The following UST variants were observed in gnomAD, a reference collection of about 807,000 sequenced individuals.
UST encodes the protein uronyl 2-sulfotransferase, also known as chondroitin sulfate 2-O-sulfotransferase.
In UST, 21 loss-of-function variants were observed where a neutral mutation model predicts 45.6. The ratio of observed to expected loss-of-function variants is 0.46; its 90% CI spans 0.33 to 0.66. The LOEUF (loss-of-function observed/expected upper bound fraction) is 0.66. Ranked by LOEUF, UST falls within the 30% of genes least tolerant of loss-of-function variation. UST has a pLI of 0.02. For synonymous variants in UST, 215 were observed against 200.6 expected (o/e 1.07, Z -0.61); for missense variants, 463 against 512.4 (o/e 0.90, Z 0.93).
chr6:148,984,397 A>G (rs1781199587), intron 5 of UST, among the ~76,000 whole-genome samples: 1 of 152,244 alleles, frequency 6.6e-6, no homozygotes, highest in Non-Finnish European at 1.5e-5. Context: ...GTGTGATATG[A>G]AAGCTGGAGA....
chr6:148,891,202 G>T (rs1004612273), intron 2 of UST, among the ~76,000 whole-genome samples: 41 of 152,282 alleles, frequency 2.7e-4, no homozygotes, highest in African/African-American at 9.4e-4. Context: ...AGCATCATGT[G>T]CAGTGTCCAC....
intron 5 of UST, chr6:149,005,708 CTTAT>C (rs1183425661): frequency 7.9e-6 from 6 of 763,922 alleles, no homozygotes; most frequent in Non-Finnish European, 9.6e-6. Flanking sequence ...AGCTTGATAA[CTTAT>C]TTATTTATTC....
chr6:148,927,993 G>A (rs1016950931), intron 2 of UST, among the ~76,000 whole-genome samples: 12 of 152,344 alleles, frequency 7.9e-5, no homozygotes, highest in Non-Finnish European at 2.9e-5. Context: ...CAAGGGTACA[G>A]TCCCCAGTGA....
intron 1 of UST, among the ~76,000 whole-genome samples, chr6:148,862,210 G>A (rs1483850514): frequency 6.6e-6 from 1 of 152,196 alleles, no homozygotes; most frequent in Non-Finnish European, 1.5e-5. Flanking sequence ...ATTTAGGATA[G>A]TTAGCTCTTC....
intron 7 of UST, among the ~76,000 whole-genome samples, chr6:149,069,631 T>C (rs543500340): frequency 6.6e-6 from 1 of 152,320 alleles, no homozygotes; most frequent in Admixed American, 6.5e-5. Context: ...ATCCTAACCA[T>C]AGAGGAAGGC....
At chr6:148,948,390 A>C (rs1780291320) in intron 3 of UST, among the ~76,000 whole-genome samples, 1 of 152,254 alleles carries the variant, frequency 6.6e-6, no homozygotes, top group Non-Finnish European at 1.5e-5. Context: ...AATATTTGCC[A>C]AGAAGTCAGG....
intron 3 of UST, among the ~76,000 whole-genome samples, chr6:148,953,254 TTAAAG>T (rs775589419): frequency 6.6e-6 from 1 of 152,210 alleles, no homozygotes; most frequent in Non-Finnish European, 1.5e-5. Flanking sequence ...TGATTTGACT[TTAAAG>T]GAAGGGATAG....
chr6:148,832,648 A>G (rs1455889994), intron 1 of UST, among the ~76,000 whole-genome samples: 3 of 152,218 alleles, frequency 2.0e-5, no homozygotes, highest in African/African-American at 7.2e-5. Flanking sequence ...GAGCATTTTC[A>G]TCAGAAGTCC....
Position 148,868,011 on chromosome 6 carries a change from G to A in UST, c.248-18975G>A, listed in dbSNP as rs190647934. On this transcript the variant is annotated intron_variant, in intron 1 of 7. Coordinates refer to ENST00000367463, the MANE Select transcript of UST (RefSeq NM_005715.3). Reference sequence around the variant, plus strand: ...CTTCTTAATGTCTCAGTCAGAGGCTGTTCATCACTGATGAGCCTGCCACTG... The same window carrying A: ...CTTCTTAATGTCTCAGTCAGAGGCTATTCATCACTGATGAGCCTGCCACTG... 3.2e-4 allele frequency among the ~76,000 whole-genome samples: 49 copies of A among 152,204 alleles called. 1 individual carries two copies. Among genetic ancestry groups the A allele is most frequent in the African/African-American group, 1.0e-3 (42 of 41,542 alleles).
chr6:148,922,652 T>C (rs1484095147), intron 2 of UST, among the ~76,000 whole-genome samples: 1 of 151,042 alleles, frequency 6.6e-6, no homozygotes, highest in Non-Finnish European at 1.5e-5. Context: ...TTTTTGTATT[T>C]TCTATAGAGA....
chr6:148,895,477 C>T (rs4897068), intron 2 of UST, among the ~76,000 whole-genome samples: 82,924 of 151,826 alleles, frequency 0.55, 24,288 homozygotes, highest in African/African-American at 0.78. Flanking sequence ...CCTATTTCTA[C>T]AGGAAACTTC....
At chr6:148,971,618 A>G (rs1780921152) in intron 5 of UST, among the ~76,000 whole-genome samples, 1 of 152,192 alleles carries the variant, frequency 6.6e-6, no homozygotes, top group Non-Finnish European at 1.5e-5. Context: ...CATAGGGCAC[A>G]TACAAAGCCC....
chr6:148,747,448 G>C lies in UST; in HGVS notation c.18G>C (p.Gln6His), dbSNP rs993184259. The C allele has an allele frequency of 4.2e-6, 6 of 1,424,024 alleles. No individual in the cohort carries two copies. Among genetic ancestry groups the C allele is most frequent in the Non-Finnish European group, 4.6e-6 (5 of 1,086,794 alleles). The allele number at this position is 1,424,024 out of a possible 1,614,324, so 88.2% of individuals were successfully genotyped here. A position where few individuals can be genotyped will look rare whatever the true frequency, so the allele number is the denominator to read the frequency against. The change falls in exon 1 of 8, where the codon CAG (glutamine) becomes CAC (histidine). Residue 6 changes from glutamine to histidine, a missense_variant. By Grantham distance (24) the Gln-to-His change is conservative. Transcript: ENST00000367463. ...AGCAGGCGATGAAGAAGAAGCAGCAGCATCCCGGCGGCGGCGCGGATCCCT... is the reference window on the plus strand; with the variant it reads ...AGCAGGCGATGAAGAAGAAGCAGCACCATCCCGGCGGCGGCGCGGATCCCT... MKKKQQHPGGGADPWP... is the reference protein window; with the variant it reads MKKKQHHPGGGADPWP...
At chr6:148,808,185 C>T (rs979343134) in intron 1 of UST, among the ~76,000 whole-genome samples, 1 of 152,180 alleles carries the variant, frequency 6.6e-6, no homozygotes, top group Non-Finnish European at 1.5e-5. Context: ...TCTCCACACA[C>T]AGAAAGGGTG....
At chr6:148,874,569 G>A (rs775328117) in intron 1 of UST, among the ~76,000 whole-genome samples, 3 of 152,100 alleles carry the variant, frequency 2.0e-5, no homozygotes, top group Non-Finnish European at 4.4e-5. Context: ...TTTGTTAACC[G>A]GTTGGGTGAG....
intron 5 of UST, among the ~76,000 whole-genome samples, chr6:148,982,152 G>C (rs538079146): frequency 1.9e-4 from 29 of 149,536 alleles, no homozygotes; most frequent in African/African-American, 6.9e-4. Flanking sequence ...AGGCTAGAAT[G>C]CCATGGTGCA....
intron 7 of UST, among the ~76,000 whole-genome samples, chr6:149,041,450 G>A (rs775813349): frequency 2.0e-5 from 3 of 152,200 alleles, no homozygotes; most frequent in Non-Finnish European, 4.4e-5. Flanking sequence ...CATAGCCAAG[G>A]AAGAGACCTG....
chr6:148,773,988 C>T (rs1776482132), intron 1 of UST, among the ~76,000 whole-genome samples: 1 of 152,188 alleles, frequency 6.6e-6, no homozygotes, highest in African/African-American at 2.4e-5. Context: ...AGAAGCTTAT[C>T]TGACTCTATG....
intron 7 of UST, among the ~76,000 whole-genome samples, chr6:149,032,185 G>A (rs1408432184): frequency 6.6e-6 from 1 of 152,158 alleles, no homozygotes; most frequent in African/African-American, 2.4e-5. Context: ...CAGTGGCCAA[G>A]CCGCTGCTGC....
Sources: allele counts gnomAD v4.1 joint callset (sites outside exome capture counted in the v4.1 genomes callset), GRCh38; gene constraint gnomAD v4.1.1; transcripts MANE v1.5; gene names NCBI Gene and HGNC (gene_info 2026-07-23, HGNC 2026-07-21).